Variants in TRIM54 observed in about 807,000 individuals in gnomAD.
TRIM54 encodes the protein tripartite motif-containing protein 54.
Under a neutral mutation model 42.0 loss-of-function variants are expected in TRIM54, and 40 were observed. The observed-to-expected ratio is 0.95, with a 90% CI of 0.74 to 1.24. The LOEUF is 1.24. TRIM54 is among the 50% of genes most tolerant of loss of function. The probability of loss-of-function intolerance (pLI) is 0.00; values close to 1 mark genes in which losing one functional copy is unlikely to be tolerated. For synonymous variants in TRIM54, 199 were observed against 194.9 expected (o/e 1.02, Z -0.17); for missense variants, 485 against 480.3 (o/e 1.01, Z -0.09).
At chr2:27,295,567 A>G (rs1482606355) in intron 1 of TRIM54, among the ~76,000 whole-genome samples, 2 of 152,150 alleles carry the variant, frequency 1.3e-5, no homozygotes, top group South Asian at 2.1e-4. Flanking sequence ...CGGCCTCCCA[A>G]AGTGCTGGGA....
In TRIM54 at chr2:27,303,922, C is replaced by T. The variant is rs115880529; in HGVS notation, c.514-1037C>T. 7.5e-3 allele frequency among the ~76,000 whole-genome samples: 1,149 copies of T among 152,220 alleles called. 29 individuals are homozygous for T. Among genetic ancestry groups the T allele is most frequent in the African/African-American group, 0.025 (1,059 of 41,544 alleles). Reference sequence around the variant, plus strand: ...CAAACAATAATAGAATATCAAAAACCAACCATGTAGCTGGGTGTGGTGGCT... The same window carrying T: ...CAAACAATAATAGAATATCAAAAACTAACCATGTAGCTGGGTGTGGTGGCT... On this transcript the variant is annotated intron_variant, in intron 3 of 8. Coordinates refer to ENST00000380075, the MANE Select transcript of TRIM54 (RefSeq NM_187841.3).
chr2:27,284,438 T>C (rs192125251), intron 1 of TRIM54, among the ~76,000 whole-genome samples: 5 of 152,138 alleles, frequency 3.3e-5, no homozygotes, highest in Admixed American at 1.3e-4. Context: ...CTCTGTGGTC[T>C]CTCCTGCCAT....
chr2:27,282,719 G>C lies in TRIM54; in HGVS notation c.-13G>C. 1 of 1,605,612 alleles carries C rather than the reference G, an allele frequency of 6.2e-7. No homozygotes were observed. The highest frequency in any genetic ancestry group is 8.5e-7 in the Non-Finnish European group (1 of 1,176,306). ...CAGGAGCAGGGCCCAGGCCAGGCAC[G>C]ACCACCGAGGGGATGAACTTCACAG... On this transcript the variant is annotated 5_prime_UTR_variant, in exon 1 of 9. Coordinates refer to ENST00000380075, the MANE Select transcript of TRIM54 (RefSeq NM_187841.3).
rs1290777391 is a variant in TRIM54, at chr2:27,282,591, T to G, written c.-141T>G. The G allele has an allele frequency of 2.2e-6, 2 of 892,084 alleles. No homozygotes were observed. Among genetic ancestry groups the G allele is most frequent in the Non-Finnish European group, 3.3e-6 (2 of 605,812 alleles). 55.3% of individuals were successfully genotyped at this position (892,084 alleles called of 1,614,324 possible). A position where few individuals can be genotyped will look rare whatever the true frequency, so the allele number is the denominator to read the frequency against. On this transcript the variant is annotated 5_prime_UTR_variant, in exon 1 of 9. Transcript: ENST00000380075. ...TGCTATCTGGGACGAGACAAGTTGT[T>G]AAAGGGACAGGAGAGAAAGCAGAGC...
intron 3 of TRIM54, among the ~76,000 whole-genome samples, chr2:27,303,566 T>A (rs905869752): frequency 6.6e-6 from 1 of 151,728 alleles, no homozygotes; most frequent in African/African-American, 2.4e-5. Flanking sequence ...AAAAAAAGTT[T>A]CCGGAGACCG....
intron 1 of TRIM54, among the ~76,000 whole-genome samples, chr2:27,296,528 A>G (rs1678870868): frequency 6.6e-6 from 1 of 152,146 alleles, no homozygotes; most frequent in East Asian, 1.9e-4. Context: ...TCTCGTTACC[A>G]TTCTCAACAT....
intron 1 of TRIM54, among the ~76,000 whole-genome samples, chr2:27,290,528 TG>T (rs1311348704): frequency 6.6e-6 from 1 of 152,094 alleles, no homozygotes; most frequent in East Asian, 1.9e-4. Context: ...TAGCCGGGCA[TG>T]GTGGCGGGCG....
Position 27,305,001 on chromosome 2 carries a change from G to C in TRIM54, c.556G>C (p.Asp186His), listed in dbSNP as rs1297187514. ...CATCGCGATGCTGGTGGCAGGCAAT[G>C]ACCGCGTGCAAGCAGTGATCACACA... Reference protein sequence around the residue: ...DGIAMLVAGNDRVQAVITQME... With the variant: ...DGIAMLVAGNHRVQAVITQME... Residue 186 changes from aspartate (D) to histidine (H), a missense_variant, in exon 4 of 9, where the codon GAC becomes CAC. Physicochemically the swap from Asp to His is moderately conservative, Grantham distance 81. Coordinates refer to ENST00000380075, the MANE Select transcript of TRIM54 (RefSeq NM_187841.3). 2 of 1,614,150 alleles carry C rather than the reference G, an allele frequency of 1.2e-6. No homozygotes were observed. Among genetic ancestry groups the C allele is most frequent in the Non-Finnish European group, 1.7e-6 (2 of 1,180,028 alleles).
Position 27,306,761 on chromosome 2 carries a change from T to G in TRIM54, c.*2-126T>G, listed in dbSNP as rs1311525076. ...CTCACCCGCTGTTCCTCTGGGGTGC[T>G]GGGAGGGCAGGCAAGGCAGGCTGAG... On this transcript the variant is annotated intron_variant, in intron 8 of 8. Transcript: ENST00000380075. This position sits in a 1 kb window ranked among gnomAD's most constrained non-coding sequence, Gnocchi z 6.1. The G allele has an allele frequency of 6.2e-5, 37 of 596,934 alleles. No individual in the cohort carries two copies. The South Asian group carries it at 7.4e-4, about 12-fold the overall frequency. The allele number at this position is 596,934 out of a possible 1,614,324, so 37.0% of individuals were successfully genotyped here.
chr2:27,306,110 G>A lies in TRIM54; in HGVS notation c.866+8G>A, dbSNP rs779639427. On this transcript the variant is annotated splice_region_variant and intron_variant, in intron 6 of 8. Transcript: ENST00000380075. The surrounding 1 kb of genome is among the most constrained non-coding windows in gnomAD (Gnocchi z 6.1). The stretch of plus-strand genomic sequence containing the variant: ...CAAGGAGCTGATCAATAAGTGAGTA[G>A]GCATAGCGGGAAGGGAAAGGAGGGG... 1.9e-6 allele frequency: 3 copies of A among 1,614,004 alleles called. No individual in the cohort carries two copies. In the South Asian group the frequency reaches 3.3e-5, roughly 18 times the overall value.
chr2:27,284,644 A>G (rs1442086084), intron 1 of TRIM54, among the ~76,000 whole-genome samples: 1 of 152,156 alleles, frequency 6.6e-6, no homozygotes, highest in Admixed American at 6.5e-5. Context: ...TCCTTGGTCT[A>G]AGTAACTCTG....
At chr2:27,289,860 C>CTTTTTTT (rs756771152) in intron 1 of TRIM54, among the ~76,000 whole-genome samples, 16 of 100,632 alleles carry the variant, frequency 1.6e-4, no homozygotes, top group Non-Finnish European at 2.4e-4. Context: ...CTCTCTTTCT[C>CTTTTTTT]TTTTTTTTTT....
At chr2:27,299,481 G>T (rs564644238) in intron 3 of TRIM54, 65 bp downstream of exon 3, 1 of 1,579,012 alleles carries the variant, frequency 6.3e-7, no homozygotes, top group Non-Finnish European at 8.6e-7. Flanking sequence ...CTCAGTGTCA[G>T]CCTCTTACTC....
At chr2:27,302,663 C>T (rs1483090715) in intron 3 of TRIM54, among the ~76,000 whole-genome samples, 3 of 151,550 alleles carry the variant, frequency 2.0e-5, no homozygotes, top group Non-Finnish European at 4.4e-5. Flanking sequence ...TGGTGGCAGT[C>T]GCCTGTAATC....
chr2:27,306,099 A>C lies in TRIM54; in HGVS notation c.863A>C (p.Asn288Thr). 6.2e-7 allele frequency: 1 copy of C among 1,614,012 alleles called. No individual in the cohort carries two copies. Among genetic ancestry groups the C allele is most frequent in the Non-Finnish European group, 8.5e-7 (1 of 1,180,042 alleles). The change falls in exon 6 of 9, where the codon AAT (asparagine) becomes ACT (threonine). Residue 288 changes from asparagine to threonine, a missense_variant. Coordinates refer to ENST00000380075, the MANE Select transcript of TRIM54 (RefSeq NM_187841.3). The surrounding 1 kb of genome is among the most constrained non-coding windows in gnomAD (Gnocchi z 6.1). ...CTGCAGCAGGCCAAGGAGCTGATCA[A>C]TAAGTGAGTAGGCATAGCGGGAAGG... ...LYLQQAKELI[N>T]KVGAMSKVEL...
chr2:27,282,510 A>T lies in TRIM54; in HGVS notation c.-222A>T. 1 of 397,662 alleles carries T rather than the reference A, an allele frequency of 2.5e-6. No homozygotes were observed. Among genetic ancestry groups the T allele is most frequent in the Non-Finnish European group, 4.4e-6 (1 of 224,944 alleles). The allele number at this position is 397,662 out of a possible 1,614,324, so 24.6% of individuals were successfully genotyped here. ...ATTTTACAGAGAGAGAGGGATAGCT[A>T]AAACTACGTGAGCCTGGCGAGGGTG... is the stretch of plus-strand genomic sequence containing the variant. On this transcript the variant is annotated 5_prime_UTR_variant, in exon 1 of 9. Coordinates refer to ENST00000380075, the MANE Select transcript of TRIM54 (RefSeq NM_187841.3).
intron 1 of TRIM54, among the ~76,000 whole-genome samples, chr2:27,294,272 G>A (rs1308654551): frequency 6.6e-6 from 1 of 151,848 alleles, no homozygotes; most frequent in Admixed American, 6.6e-5. Flanking sequence ...GGGACTAAAG[G>A]CATGAGCCAT....
chr2:27,302,792 G>A (rs979544446), intron 3 of TRIM54, among the ~76,000 whole-genome samples: 7 of 152,022 alleles, frequency 4.6e-5, no homozygotes, highest in Non-Finnish European at 1.0e-4. Context: ...ACTCTGTCTC[G>A]AAAATAAAAT....
chr2:27,307,257 C>A lies in TRIM54; in HGVS notation c.*372C>A. 1.8e-6 allele frequency: 1 copy of A among 561,380 alleles called. No individual in the cohort carries two copies. Among genetic ancestry groups the A allele is most frequent in the Non-Finnish European group, 3.1e-6 (1 of 321,810 alleles). The allele number at this position is 561,380 out of a possible 1,614,324, so 34.8% of individuals were successfully genotyped here. On this transcript the variant is annotated 3_prime_UTR_variant, in exon 9 of 9. Coordinates refer to ENST00000380075, the MANE Select transcript of TRIM54 (RefSeq NM_187841.3). The surrounding 1 kb of genome is among the most constrained non-coding windows in gnomAD (Gnocchi z 6.9). ...GGGATTTGGGGACCCTTGGGGTCCACATGCACCTGGCTGACCTGGCTGAAA... is the reference window on the plus strand; with the variant it reads ...GGGATTTGGGGACCCTTGGGGTCCAAATGCACCTGGCTGACCTGGCTGAAA...
Sources: gnomAD v4.1 joint callset for allele counts (sites outside exome capture counted in the v4.1 genomes callset) on GRCh38, gnomAD v4.1.1 for gene constraint, Gnocchi (gnomAD v3.1) non-coding constraint, MANE v1.5 for transcripts, NCBI Gene and HGNC (gene_info 2026-07-23, HGNC 2026-07-21) for gene names.